The following PSD3 variants were observed in gnomAD, a reference collection of about 807,000 sequenced individuals.
PSD3 encodes pleckstrin and Sec7 domain containing 3, also known as PH and SEC7 domain-containing protein 3.
Under a neutral mutation model 105.5 loss-of-function variants are expected in PSD3, and 49 were observed. The observed-to-expected ratio is 0.46, with a 90% CI of 0.37 to 0.59. PSD3 has a LOEUF of 0.59. PSD3 is among the 20% of genes least tolerant of loss of function. The pLI, the probability that PSD3 is intolerant of heterozygous loss-of-function variation, is 0.00. For missense variants in PSD3, 1,561 were observed against 1,263.8 expected (o/e 1.24, Z -3.57); for synonymous variants, 557 against 457.8 (o/e 1.22, Z -2.77).
At chr8:18,728,555 G>A (rs1055462524) in intron 9 of PSD3, among the ~76,000 whole-genome samples, 1 of 152,142 alleles carries the variant, frequency 6.6e-6, no homozygotes, top group East Asian at 1.9e-4. Flanking sequence ...GAGTGTTTAG[G>A]AAAAGTGTTT....
chr8:18,902,104 T>C lies in PSD3; in HGVS notation c.131-29371A>G, dbSNP rs79287251. Among the ~76,000 whole-genome samples the C allele has an allele frequency of 6.6e-5, 10 of 152,332 alleles. No homozygotes were observed. The East Asian group carries it at 1.9e-3, about 29-fold the overall frequency. The stretch of plus-strand genomic sequence containing the variant: ...TAGATGTCCATATCTCTCCCCAAAC[T>C]TGGGAAGTTTTCAGTTATTATTTCA... On this transcript the variant is annotated intron_variant, in intron 2 of 15. Coordinates refer to ENST00000327040, the MANE Select transcript of PSD3 (RefSeq NM_015310.4).
In PSD3 at chr8:18,570,998, TAC is replaced by T. The variant is rs1802100798; in HGVS notation, c.2784+1528_2784+1529del. The stretch of plus-strand genomic sequence containing the variant: ...TGTCCACCTCCCAAGTAGCTGGGAT[TAC>T]AGTCATCCACCACTGCGCCTGGCTA... On this transcript the variant is annotated intron_variant, in intron 14 of 15. Transcript: ENST00000327040. Among the ~76,000 whole-genome samples, 4 of 152,182 alleles carry T rather than the reference TAC, an allele frequency of 2.6e-5. No individual in the cohort carries two copies. In the South Asian group the frequency reaches 8.3e-4, roughly 32 times the overall value.
chr8:18,530,706 CT>C lies in PSD3; in HGVS notation c.*5036del, dbSNP rs1268502439. 1 of 108,814 alleles carries C rather than the reference CT, an allele frequency of 9.2e-6. No homozygotes were observed. Among genetic ancestry groups the C allele is most frequent in the East Asian group, 2.7e-4 (1 of 3,692 alleles). The allele number at this position is 108,814 out of a possible 1,614,324, so 6.7% of individuals were successfully genotyped here. ...CTGCCTTTTTTTTTTTTTTTCTTTT[CT>C]TTCTGTATTTCCCAAATTACAGGGA... On this transcript the variant is annotated 3_prime_UTR_variant, in exon 16 of 16. Coordinates refer to ENST00000327040, the MANE Select transcript of PSD3 (RefSeq NM_015310.4).
intron 9 of PSD3, among the ~76,000 whole-genome samples, chr8:18,674,191 G>A (rs1351667360): frequency 6.6e-6 from 1 of 152,042 alleles, no homozygotes; most frequent in African/African-American, 2.4e-5. Flanking sequence ...GGCTATCAAA[G>A]CAGGGGAGGG....
intron 9 of PSD3, among the ~76,000 whole-genome samples, chr8:18,677,104 A>C (rs1383183577): frequency 6.6e-6 from 1 of 152,220 alleles, no homozygotes; most frequent in Non-Finnish European, 1.5e-5. Flanking sequence ...CTCCTAAGTA[A>C]TCATTTGAGC....
chr8:19,057,164 C>A (rs1351699614), intron 1 of PSD3, among the ~76,000 whole-genome samples: 1 of 152,186 alleles, frequency 6.6e-6, no homozygotes, highest in African/African-American at 2.4e-5. Flanking sequence ...GTTTGACTAT[C>A]TCTTTATGCA....
At chr8:19,002,771 T>G (rs77181204) in intron 1 of PSD3, among the ~76,000 whole-genome samples, 3,627 of 152,160 alleles carry the variant, frequency 0.024, 168 homozygotes, top group African/African-American at 0.081. Flanking sequence ...TTCTTCCACA[T>G]ATTTTGATCT....
intron 15 of PSD3, among the ~76,000 whole-genome samples, chr8:18,549,290 T>C (rs1800628799): frequency 1.3e-5 from 2 of 151,344 alleles, no homozygotes; most frequent in African/African-American, 4.9e-5. Context: ...CAAGTGATTC[T>C]CCTGCCTCAG....
At chr8:18,852,807 C>G (rs1268982876) in intron 4 of PSD3, among the ~76,000 whole-genome samples, 1 of 152,156 alleles carries the variant, frequency 6.6e-6, no homozygotes, top group Non-Finnish European at 1.5e-5. Flanking sequence ...TAAGGAAGCA[C>G]AATTTAAACG....
chr8:18,670,593 T>C (rs1799731309), intron 9 of PSD3, among the ~76,000 whole-genome samples: 2 of 152,108 alleles, frequency 1.3e-5, no homozygotes, highest in Non-Finnish European at 2.9e-5. Flanking sequence ...CATTTTCACA[T>C]ACCTCAAGCA....
At chr8:18,574,229 A>C (rs1802338811) in intron 13 of PSD3, among the ~76,000 whole-genome samples, 1 of 152,130 alleles carries the variant, frequency 6.6e-6, no homozygotes, top group South Asian at 2.1e-4. Context: ...CAAACCTGAG[A>C]CCACTCTAAA....
At chr8:18,605,991 T>C (rs892231149) in intron 11 of PSD3, among the ~76,000 whole-genome samples, 3 of 152,154 alleles carry the variant, frequency 2.0e-5, no homozygotes, top group Admixed American at 2.0e-4. Context: ...ACTTTATAAA[T>C]TATCCAGTCT....
intron 9 of PSD3, among the ~76,000 whole-genome samples, chr8:18,760,424 AACCACCATTTAACTCC>A (rs1563233617): frequency 3.3e-5 from 5 of 152,278 alleles, no homozygotes; most frequent in African/African-American, 9.6e-5. Flanking sequence ...GACCCCTGGT[AACCACCATTTAACTCC>A]ATGAATCTGT....
intron 9 of PSD3, among the ~76,000 whole-genome samples, chr8:18,729,795 G>A (rs1229257118): frequency 2.6e-5 from 4 of 151,994 alleles, no homozygotes; most frequent in African/African-American, 9.7e-5. Flanking sequence ...TCCCTATCTT[G>A]AGCCTACTAC....
chr8:18,817,596 T>C (rs1348274477), intron 4 of PSD3, among the ~76,000 whole-genome samples: 2 of 152,252 alleles, frequency 1.3e-5, no homozygotes, highest in African/African-American at 2.4e-5. Flanking sequence ...TGTACTCGTC[T>C]CAATGCAGCT....
At chr8:18,781,733 A>T (rs571498420) in intron 8 of PSD3, among the ~76,000 whole-genome samples, 28 of 152,162 alleles carry the variant, frequency 1.8e-4, no homozygotes, top group Non-Finnish European at 1.5e-4. Context: ...CTATATCTAG[A>T]TGTCTGTATC....
At chr8:18,704,961 C>A (rs1217495049) in intron 9 of PSD3, among the ~76,000 whole-genome samples, 2 of 151,884 alleles carry the variant, frequency 1.3e-5, no homozygotes, top group Non-Finnish European at 2.9e-5. Context: ...ATGAAGAAAG[C>A]AAGTTTTCCA....
intron 9 of PSD3, among the ~76,000 whole-genome samples, chr8:18,741,847 G>A (rs1224866622): frequency 2.3e-5 from 3 of 130,414 alleles, no homozygotes; most frequent in African/African-American, 8.6e-5. Context: ...ACCAACAAAT[G>A]AAATAGTGAC....
At chr8:19,043,346 C>G (rs1828191673) in intron 1 of PSD3, among the ~76,000 whole-genome samples, 1 of 152,182 alleles carries the variant, frequency 6.6e-6, no homozygotes. Flanking sequence ...ACAGAGCTCA[C>G]AAACAACTCT....
Sources: gnomAD v4.1 joint callset for allele counts (sites outside exome capture counted in the v4.1 genomes callset) on GRCh38, gnomAD v4.1.1 for gene constraint, MANE v1.5 for transcripts, NCBI Gene and HGNC (gene_info 2026-07-23, HGNC 2026-07-21) for gene names.